The following DLG2 variants were observed in gnomAD, a reference collection of about 807,000 sequenced individuals.
DLG2 encodes the protein discs large MAGUK scaffold protein 2.
Under a neutral mutation model 132.5 loss-of-function variants are expected in DLG2, and 45 were observed. The ratio of observed to expected loss-of-function variants is 0.34; its 90% CI spans 0.27 to 0.44. The LOEUF (loss-of-function observed/expected upper bound fraction) is 0.44. Among genes scored for constraint, DLG2 ranks in the 20% least tolerant of loss-of-function variants. The pLI is 1.00. For missense variants in DLG2, 1,045 were observed against 1,196.9 expected, an observed-to-expected ratio of 0.87 and a Z score of 1.87; for synonymous variants, 424 against 419.6, an observed-to-expected ratio of 1.01 and a Z score of -0.13.
At chr11:84,132,602 G>A (rs1266606468) in intron 9 of DLG2, among the ~76,000 whole-genome samples, 1 of 151,956 alleles carries the variant, frequency 6.6e-6, no homozygotes, top group East Asian at 1.9e-4. Context: ...GCAAAACACT[G>A]TGCTAGTAAA....
chr11:83,521,064 C>T (rs2095467860), intron 21 of DLG2, among the ~76,000 whole-genome samples: 1 of 152,200 alleles, frequency 6.6e-6, no homozygotes, highest in Non-Finnish European at 1.5e-5. Context: ...TGTTTTCCCC[C>T]AGGCCCTAGA....
At chr11:83,688,843 T>C (rs906647377) in intron 18 of DLG2, among the ~76,000 whole-genome samples, 1 of 152,156 alleles carries the variant, frequency 6.6e-6, no homozygotes, top group Non-Finnish European at 1.5e-5. Context: ...CACCAATTTG[T>C]CCTATCCTGA....
chr11:85,211,359 C>A (rs1374942494), intron 4 of DLG2, among the ~76,000 whole-genome samples: 2 of 152,022 alleles, frequency 1.3e-5, no homozygotes, highest in African/African-American at 2.4e-5. Context: ...GTATGGAGCA[C>A]AAATAACTTC....
At chr11:85,457,184 CTTTT>C (rs35970313) in intron 3 of DLG2, among the ~76,000 whole-genome samples, 3 of 132,578 alleles carry the variant, frequency 2.3e-5, no homozygotes, top group Non-Finnish European at 5.0e-5. Flanking sequence ...CCTTCTTTGT[CTTTT>C]TTTTTTTTTT....
intron 18 of DLG2, among the ~76,000 whole-genome samples, chr11:83,718,040 G>C (rs1389966896): frequency 6.6e-6 from 1 of 152,090 alleles, no homozygotes; most frequent in African/African-American, 2.4e-5. Context: ...ACTCCCTCTG[G>C]GGGTCCATTA....
At chr11:83,588,747 A>T (rs939543812) in intron 19 of DLG2, among the ~76,000 whole-genome samples, 6 of 151,858 alleles carry the variant, frequency 4.0e-5, no homozygotes, top group Non-Finnish European at 7.4e-5. Context: ...TTTGAAAAAA[A>T]TTTAGAAGAA....
intron 6 of DLG2, among the ~76,000 whole-genome samples, chr11:84,972,980 A>C: frequency 6.9e-6 from 1 of 145,506 alleles, no homozygotes; most frequent in Non-Finnish European, 1.5e-5. Flanking sequence ...TTTTTGAGAC[A>C]GAGTTTTGCT....
intron 6 of DLG2, among the ~76,000 whole-genome samples, chr11:85,042,998 CA>C (rs1432221665): frequency 8.6e-5 from 13 of 151,790 alleles, no homozygotes; most frequent in African/African-American, 3.1e-4. Flanking sequence ...TGAACCATTT[CA>C]GGCATATAAT....
intron 6 of DLG2, among the ~76,000 whole-genome samples, chr11:84,677,663 C>A (rs2099716868): frequency 6.6e-6 from 1 of 151,970 alleles, no homozygotes; most frequent in Admixed American, 6.6e-5. Context: ...CTGGGAAGAT[C>A]ACTTGAGGCC....
At chr11:84,516,545 A>C (rs2099273612) in intron 7 of DLG2, among the ~76,000 whole-genome samples, 1 of 151,698 alleles carries the variant, frequency 6.6e-6, no homozygotes, top group African/African-American at 2.4e-5. Flanking sequence ...GAATAGATCA[A>C]AAACAAGGAG....
intron 9 of DLG2, among the ~76,000 whole-genome samples, chr11:84,117,476 T>C (rs983427327): frequency 5.3e-5 from 8 of 152,198 alleles, no homozygotes; most frequent in African/African-American, 1.9e-4. Context: ...CCTTCATTCC[T>C]CCTCCCAACT....
chr11:84,634,963 G>C (rs2099638160), intron 6 of DLG2, among the ~76,000 whole-genome samples: 2 of 152,182 alleles, frequency 1.3e-5, no homozygotes, highest in Non-Finnish European at 2.9e-5. Flanking sequence ...GAAGACTACA[G>C]GGTCAATCCA....
rs998123091 is a variant in DLG2 at position 83,571,576 on chromosome 11, G to A, written c.1941-29718C>T. On this transcript the variant is annotated intron_variant, in intron 19 of 27. Coordinates refer to ENST00000376104, the MANE Select transcript of DLG2 (RefSeq NM_001142699.3). ...TATGCAAATAAAAGTACTGTTATTC[G>A]AGCGAGACTCCGTCTCAAAAAAAAA... is the stretch of plus-strand genomic sequence containing the variant. 2.1e-5 allele frequency among the ~76,000 whole-genome samples: 3 copies of A among 139,558 alleles called. No individual in the cohort carries two copies. In the Admixed American group the frequency reaches 2.3e-4, roughly 11 times the overall value. 91.6% of individuals were successfully genotyped at this position (139,558 alleles called of 152,430 possible).
At chr11:85,335,169 G>A (rs1231419176) in intron 3 of DLG2, among the ~76,000 whole-genome samples, 1 of 151,442 alleles carries the variant, frequency 6.6e-6, no homozygotes, top group African/African-American at 2.4e-5. Flanking sequence ...TTATCATTGT[G>A]CCCTTTGTCC....
At chr11:84,192,527 G>A (rs1349303102) in intron 8 of DLG2, among the ~76,000 whole-genome samples, 3 of 152,080 alleles carry the variant, frequency 2.0e-5, no homozygotes, top group Non-Finnish European at 4.4e-5. Context: ...TCAAGAGATC[G>A]AGATAATCCT....
intron 25 of DLG2, among the ~76,000 whole-genome samples, chr11:83,467,810 TACACACACAC>T (rs1213812731): frequency 1.1e-4 from 11 of 96,286 alleles, no homozygotes; most frequent in Admixed American, 2.2e-4. Flanking sequence ...TATATATATA[TACACACACAC>T]ATATAAAATA....
chr11:83,750,026 A>C (rs1277821824), intron 18 of DLG2, among the ~76,000 whole-genome samples: 2 of 152,178 alleles, frequency 1.3e-5, no homozygotes. Context: ...GTTACCTTTC[A>C]CTTTTAGGGA....
intron 21 of DLG2, among the ~76,000 whole-genome samples, chr11:83,498,969 A>G (rs2094304944): frequency 6.6e-6 from 1 of 152,138 alleles, no homozygotes; most frequent in Non-Finnish European, 1.5e-5. Flanking sequence ...AGATGGACTA[A>G]TTCCTAGAAA....
intron 19 of DLG2, among the ~76,000 whole-genome samples, chr11:83,572,594 G>A (rs780912123): frequency 6.1e-4 from 93 of 152,256 alleles, no homozygotes; most frequent in Middle Eastern, 3.4e-3. Context: ...AGCTACATGC[G>A]CAGTGAGGAT....
Sources: gnomAD v4.1 joint callset for allele counts (sites outside exome capture counted in the v4.1 genomes callset) on GRCh38, gnomAD v4.1.1 for gene constraint, MANE v1.5 for transcripts, NCBI Gene and HGNC (gene_info 2026-07-23, HGNC 2026-07-21) for gene names.